Variants in ARHGAP39 observed in about 807,000 individuals in gnomAD.
ARHGAP39 encodes Rho GTPase activating protein 39, also known as rho GTPase-activating protein 39.
In ARHGAP39, 44 loss-of-function variants were observed where a neutral mutation model predicts 106.9. The observed-to-expected ratio is 0.41, with a 90% CI of 0.32 to 0.53. The LOEUF (loss-of-function observed/expected upper bound fraction) is 0.53. Among genes scored for constraint, ARHGAP39 ranks in the 20% least tolerant of loss-of-function variants. The pLI is 0.21. For synonymous variants in ARHGAP39, 768 were observed against 693.2 expected, an observed-to-expected ratio of 1.11 and a Z score of -1.69; for missense variants, 1,496 against 1,577.3, an observed-to-expected ratio of 0.95 and a Z score of 0.87.
chr8:144,631,659 C>T (rs949348103), intron 1 of ARHGAP39, among the ~76,000 whole-genome samples: 4 of 152,194 alleles, frequency 2.6e-5, no homozygotes, highest in Non-Finnish European at 5.9e-5. Flanking sequence ...GGCCATCTGT[C>T]GGGGTCCCTG....
chr8:144,541,216 CT>C (rs1817178436), intron 6 of ARHGAP39, among the ~76,000 whole-genome samples: 1 of 152,220 alleles, frequency 6.6e-6, no homozygotes, highest in Non-Finnish European at 1.5e-5. Flanking sequence ...CCTCTTCCCC[CT>C]TTGCTAGAAG....
At chr8:144,615,028 A>G (rs1209617951) in intron 1 of ARHGAP39, among the ~76,000 whole-genome samples, 2 of 152,176 alleles carry the variant, frequency 1.3e-5, no homozygotes. Flanking sequence ...TTCACCCCTT[A>G]CGAGTCTGGA....
intron 8 of ARHGAP39, 126 bp downstream of exon 8, chr8:144,534,003 C>CG: frequency 9.3e-7 from 1 of 1,074,044 alleles, no homozygotes; most frequent in Non-Finnish European, 1.4e-6. Context: ...CCCGCCTAGG[C>CG]GGGCTCCATG....
chr8:144,589,248 G>T (rs1358491566), intron 2 of ARHGAP39, among the ~76,000 whole-genome samples: 1 of 152,198 alleles, frequency 6.6e-6, no homozygotes, highest in East Asian at 1.9e-4. Context: ...AAAGTAAGTA[G>T]TCTCCATATT....
At chr8:144,693,058 CTTT>C in the ARHGAP39 span, among the ~76,000 whole-genome samples, 1 of 86,808 alleles carries the variant, frequency 1.2e-5, no homozygotes, top group Non-Finnish European at 2.2e-5. Context: ...TGCGCCCGGC[CTTT>C]TTTTTTTTTT....
Position 144,547,933 on chromosome 8 carries a change from G to T in ARHGAP39, c.1153C>A (p.Leu385Met). The change falls in exon 5 of 12, where the codon CTG becomes ATG. Residue 385 changes from leucine (L) to methionine (M), a missense_variant. This residue lies in a region of ARHGAP39 where 905 missense variants were observed against 816.4 expected (regional missense o/e 1.11). Transcript: ENST00000377307. The surrounding 1 kb of genome is among the most constrained non-coding windows in gnomAD (Gnocchi z 5.2). Reference sequence around the variant, plus strand: ...TCCTTGCCGGCGGGACTGTACTCCAGGCTCAGGAAGCGCTCGGGACACTTC... The same window carrying T: ...TCCTTGCCGGCGGGACTGTACTCCATGCTCAGGAAGCGCTCGGGACACTTC... ...KQKCPERFLS[L>M]EYSPAGKEYV... 6.3e-7 allele frequency: 1 copy of T among 1,591,744 alleles called. No individual in the cohort carries two copies. Among genetic ancestry groups the T allele is most frequent in the East Asian group, 2.3e-5 (1 of 43,544 alleles).
chr8:144,642,026 G>A (rs118017323), intron 1 of ARHGAP39, among the ~76,000 whole-genome samples: 1 of 152,238 alleles, frequency 6.6e-6, no homozygotes, highest in Non-Finnish European at 1.5e-5. Flanking sequence ...GGTTAAATCT[G>A]TGGTGGTTTG....
At position 144,555,676 on chromosome 8, in the gene ARHGAP39, A is replaced by G. The variant is rs750375634; in HGVS notation, c.513-33T>C. 5 of 1,573,086 alleles carry G rather than the reference A, an allele frequency of 3.2e-6. No individual in the cohort carries two copies. The East Asian group carries it at 6.7e-5, about 21-fold the overall frequency. On this transcript the variant is annotated intron_variant, in intron 3 of 11. Coordinates refer to ENST00000377307, the MANE Select transcript of ARHGAP39 (RefSeq NM_025251.3). ...ACAGTAAAATGAAAGAAATATGAAT[A>G]TAAGTGCAATCGTTTACCATAACCA...
At chr8:144,603,687 CA>C (rs922284218) in intron 2 of ARHGAP39, among the ~76,000 whole-genome samples, 2,913 of 77,646 alleles carry the variant, frequency 0.038, 21 homozygotes, top group Middle Eastern at 0.078. Context: ...GAGACTCCAT[CA>C]AAAAAAAAAA....
chr8:144,559,276 G>A (rs117970072), intron 3 of ARHGAP39, among the ~76,000 whole-genome samples: 3,585 of 139,260 alleles, frequency 0.026, 91 homozygotes, highest in Admixed American at 0.077. Flanking sequence ...AGTATCAGGA[G>A]AATTGTTTGA....
chr8:144,539,036 C>T (rs868509765), intron 6 of ARHGAP39, among the ~76,000 whole-genome samples: 20 of 152,048 alleles, frequency 1.3e-4, no homozygotes, highest in Admixed American at 3.3e-4. Context: ...GACTACATCT[C>T]GTATATGCCC....
intron 3 of ARHGAP39, among the ~76,000 whole-genome samples, chr8:144,561,727 CTTAAT>C (rs1818174391): frequency 6.7e-6 from 1 of 149,102 alleles, no homozygotes; most frequent in African/African-American, 2.5e-5. Flanking sequence ...TTCCATCGGA[CTTAAT>C]CCAGTGGTTT....
rs1321854258 is a variant in ARHGAP39 at position 144,583,140 on chromosome 8, C to A, written c.81-1863G>T. Among the ~76,000 whole-genome samples, 3 of 152,330 alleles carry A rather than the reference C, an allele frequency of 2.0e-5. No individual in the cohort carries two copies. The East Asian group carries it at 5.8e-4, about 29-fold the overall frequency. Reference sequence around the variant, plus strand: ...CCGGGGTCTCGCCAGGCACCAATAGCTGCCCAGCCCCTCCCTCCCAGCCCA... The same window carrying A: ...CCGGGGTCTCGCCAGGCACCAATAGATGCCCAGCCCCTCCCTCCCAGCCCA... On this transcript the variant is annotated intron_variant, in intron 2 of 11. Transcript: ENST00000377307.
intron 1 of ARHGAP39, among the ~76,000 whole-genome samples, chr8:144,623,311 G>A (rs1016879794): frequency 6.6e-6 from 1 of 152,212 alleles, no homozygotes; most frequent in African/African-American, 2.4e-5. Context: ...TACAAGGAAA[G>A]ATGGTGGAAA....
chr8:144,548,718 T>G lies in ARHGAP39; in HGVS notation c.597-229A>C, dbSNP rs946265815. On this transcript the variant is annotated intron_variant, in intron 4 of 11. Transcript: ENST00000377307. This position sits in a 1 kb window ranked among gnomAD's most constrained non-coding sequence, Gnocchi z 7.4. Reference sequence around the variant, plus strand: ...CCCACGACCAGGTGTCTGTCTGCTCTGATCCCAGCTCCTGACCGGGCACAG... The same window carrying G: ...CCCACGACCAGGTGTCTGTCTGCTCGGATCCCAGCTCCTGACCGGGCACAG... Among the ~76,000 whole-genome samples the G allele has an allele frequency of 2.0e-5, 3 of 152,182 alleles. No individual in the cohort carries two copies. Among genetic ancestry groups the G allele is most frequent in the Admixed American group, 6.5e-5 (1 of 15,288 alleles).
At chr8:144,611,541 C>T (rs942357155) in intron 1 of ARHGAP39, among the ~76,000 whole-genome samples, 2 of 152,192 alleles carry the variant, frequency 1.3e-5, no homozygotes, top group Admixed American at 1.3e-4. Context: ...GGTGCATACA[C>T]ATTTACAGTG....
intron 1 of ARHGAP39, among the ~76,000 whole-genome samples, chr8:144,665,045 G>C (rs1011622067): frequency 9.9e-5 from 15 of 152,202 alleles, no homozygotes; most frequent in Admixed American, 7.9e-4. Flanking sequence ...AATGCCGATA[G>C]TGATACGAAT....
At chr8:144,587,775 C>T (rs927543209) in intron 2 of ARHGAP39, among the ~76,000 whole-genome samples, 2 of 152,076 alleles carry the variant, frequency 1.3e-5, no homozygotes, top group African/African-American at 4.8e-5. Context: ...CTGCCTCAGC[C>T]TCCCAAGTAG....
At chr8:144,549,210 C>T (rs1255484242) in intron 4 of ARHGAP39, among the ~76,000 whole-genome samples, 2 of 152,254 alleles carry the variant, frequency 1.3e-5, no homozygotes, top group East Asian at 1.9e-4. Flanking sequence ...AATGCCCACA[C>T]GTGCTCTGCC....
Sources: allele counts gnomAD v4.1 joint callset (sites outside exome capture counted in the v4.1 genomes callset), GRCh38; gene constraint gnomAD v4.1.1; regional missense constraint gnomAD v4.1.1; non-coding constraint Gnocchi (gnomAD v3.1); transcripts MANE v1.5; gene names NCBI Gene and HGNC (gene_info 2026-07-23, HGNC 2026-07-21).